The following TEKTIP1 variants were observed in gnomAD, a reference collection of about 807,000 sequenced individuals.
TEKTIP1 encodes the protein tektin bundle-interacting protein 1.
chr19:3,543,195 G>A, the TEKTIP1 span: 20 of 1,531,296 alleles, frequency 1.3e-5, no homozygotes, highest in South Asian at 2.2e-4. Flanking sequence ...AGCACTCGCT[G>A]TAGACATGGG....
chr19:3,539,331 G>A, the TEKTIP1 span: 1 of 958,170 alleles, frequency 1.0e-6, no homozygotes, highest in East Asian at 2.9e-5. Context: ...CAGGTTACAT[G>A]GTGTTTGGTT....
chr19:3,543,717 G>C, the TEKTIP1 span: 5 of 1,499,906 alleles, frequency 3.3e-6, no homozygotes, highest in African/African-American at 4.2e-5. Context: ...TGGGAGGCCA[G>C]GGGGACAAGG....
chr19:3,544,028 G>C, the TEKTIP1 span: 8 of 1,521,092 alleles, frequency 5.3e-6, no homozygotes, highest in Middle Eastern at 1.7e-4. Flanking sequence ...CTACCAGGAT[G>C]CACCCACTGT....
chr19:3,539,490 G>C, the TEKTIP1 span: 1 of 530,902 alleles, frequency 1.9e-6, no homozygotes, highest in East Asian at 2.9e-5. Flanking sequence ...GTCTGCGGCC[G>C]TCTCCAAGGA....
chr19:3,539,912 AAAG>A, the TEKTIP1 span: 1 of 152,188 alleles, frequency 6.6e-6, no homozygotes, highest in Admixed American at 6.6e-5. Flanking sequence ...CAGCCATGAA[AAAG>A]AAGAGTGAAA....
chr19:3,539,317 G>C, the TEKTIP1 span: 2 of 1,076,326 alleles, frequency 1.9e-6, no homozygotes, highest in South Asian at 1.6e-5. Context: ...CCCTCCCTGG[G>C]TGTCAGGTTA....
At chr19:3,543,191 C>A in the TEKTIP1 span, 1 of 1,529,018 alleles carries the variant, frequency 6.5e-7, no homozygotes, top group South Asian at 1.2e-5. Flanking sequence ...TCAAAGCACT[C>A]GCTGTAGACA....
At chr19:3,542,195 A>G in the TEKTIP1 span, 2 of 985,286 alleles carry the variant, frequency 2.0e-6, no homozygotes, top group African/African-American at 3.5e-5. Flanking sequence ...TGATCTTGAA[A>G]TTGCCTTTCT....
the TEKTIP1 span, chr19:3,543,843 C>T: frequency 1.7e-5 from 26 of 1,536,200 alleles, no homozygotes; most frequent in African/African-American, 9.6e-5. Context: ...CAACAGGAAC[C>T]GGTACGGGGT....
At chr19:3,539,281 G>A in the TEKTIP1 span, 7 of 1,511,246 alleles carry the variant, frequency 4.6e-6, no homozygotes, top group African/African-American at 2.8e-5. Flanking sequence ...CCCTACAGGT[G>A]AGCCCCTCCC....
the TEKTIP1 span, chr19:3,543,813 C>CGAGTCCCACCTACAGTGCTCA: frequency 6.6e-7 from 1 of 1,508,328 alleles, no homozygotes; most frequent in Non-Finnish European, 8.9e-7. Context: ...CATGGTGACC[C>CGAGTCCCACCTACAGTGCTCA]GAGTCCCACC....
the TEKTIP1 span, chr19:3,543,427 C>G: frequency 6.5e-7 from 1 of 1,547,074 alleles, no homozygotes; most frequent in Non-Finnish European, 8.7e-7. Flanking sequence ...AGGCCTACAA[C>G]CGCTGGCACA....
chr19:3,540,420 G>A, the TEKTIP1 span, among the ~76,000 whole-genome samples: 7 of 151,808 alleles, frequency 4.6e-5, no homozygotes, highest in South Asian at 1.2e-3. Context: ...ACCATGCCCA[G>A]CTAATTTTTG....
the TEKTIP1 span, chr19:3,543,589 T>C: frequency 1.3e-6 from 2 of 1,541,536 alleles, no homozygotes; most frequent in African/African-American, 2.8e-5. Context: ...CCGCCTGGCA[T>C]GACCCCATCG....
chr19:3,539,216 C>T, the TEKTIP1 span: 2 of 1,550,686 alleles, frequency 1.3e-6, no homozygotes, highest in East Asian at 2.4e-5. Context: ...GGCCCTGTAT[C>T]CCCTCGGGGA....
chr19:3,543,123 AC>A, the TEKTIP1 span: 1 of 1,513,170 alleles, frequency 6.6e-7, no homozygotes. Flanking sequence ...AGGGAGGGAG[AC>A]CCCACGCCGT....
the TEKTIP1 span, among the ~76,000 whole-genome samples, chr19:3,540,859 G>A: frequency 3.6e-4 from 35 of 97,362 alleles, 1 homozygote; most frequent in South Asian, 0.01. Flanking sequence ...AGCCCAGAGC[G>A]AAACTCCATC....
At chr19:3,540,507 T>C in the TEKTIP1 span, among the ~76,000 whole-genome samples, 483 of 151,078 alleles carry the variant, frequency 3.2e-3, no homozygotes, top group Non-Finnish European at 4.5e-3. Flanking sequence ...CTGCCCTCCT[T>C]GGCCTCCCAA....
chr19:3,541,072 G>A, the TEKTIP1 span, among the ~76,000 whole-genome samples: 3 of 150,622 alleles, frequency 2.0e-5, no homozygotes, highest in African/African-American at 7.3e-5. Context: ...GGGAGGCTGA[G>A]GCAGGAGAAT....
Sources: allele counts gnomAD v4.1 joint callset (sites outside exome capture counted in the v4.1 genomes callset), GRCh38; gene constraint gnomAD v4.1.1; transcripts MANE v1.5; gene names NCBI Gene and HGNC (gene_info 2026-07-23, HGNC 2026-07-21).